FGF12: variants seen among roughly 807,000 people sequenced by gnomAD.
FGF12 encodes the protein fibroblast growth factor 12, also known as fibroblast growth factor 12B.
A neutral mutation model predicts 23.6 loss-of-function variants in FGF12; 14 were observed. That is an observed-to-expected ratio of 0.59 (90% confidence interval 0.39 to 0.93). FGF12 has a LOEUF of 0.93. FGF12 is among the 40% of genes least tolerant of loss of function. FGF12 has a pLI of 0.00. For synonymous variants in FGF12, 62 were observed against 77.3 expected, an observed-to-expected ratio of 0.80 and a Z score of 1.04; for missense variants, 175 against 217.8, an observed-to-expected ratio of 0.80 and a Z score of 1.24.
At chr3:192,640,371 A>ATTT (rs1230076644) in intron 2 of FGF12, among the ~76,000 whole-genome samples, 6 of 152,230 alleles carry the variant, frequency 3.9e-5, no homozygotes, top group African/African-American at 1.4e-4. Flanking sequence ...AATAAAAATA[A>ATTT]AAGAGTGAAA....
At chr3:192,605,151 G>A (rs1714283520) in intron 2 of FGF12, among the ~76,000 whole-genome samples, 1 of 152,080 alleles carries the variant, frequency 6.6e-6, no homozygotes, top group Non-Finnish European at 1.5e-5. Flanking sequence ...GGTCGAGATA[G>A]GCGGATCATC....
intron 2 of FGF12, among the ~76,000 whole-genome samples, chr3:192,495,062 T>C (rs1723908812): frequency 6.6e-6 from 1 of 152,106 alleles, no homozygotes; most frequent in Admixed American, 6.6e-5. Context: ...GATTTCCCCA[T>C]CTTGGCCAGG....
chr3:192,610,460 CAT>C (rs1474533216), intron 2 of FGF12, among the ~76,000 whole-genome samples: 1 of 152,062 alleles, frequency 6.6e-6, no homozygotes, highest in East Asian at 1.9e-4. Context: ...GGAAGATTCA[CAT>C]AAAATCTGGC....
chr3:192,495,097 G>T (rs565976186), intron 2 of FGF12, among the ~76,000 whole-genome samples: 10 of 152,188 alleles, frequency 6.6e-5, no homozygotes, highest in Non-Finnish European at 1.5e-4. Context: ...CTGACCTCGT[G>T]ATCCACCCAC....
intron 2 of FGF12, among the ~76,000 whole-genome samples, chr3:192,654,221 G>A (rs1203673929): frequency 6.6e-6 from 1 of 152,192 alleles, no homozygotes. Context: ...CCAAGTAGGA[G>A]GGCTGGGAAT....
chr3:192,598,616 G>A (rs778880488), intron 2 of FGF12, among the ~76,000 whole-genome samples: 3 of 152,116 alleles, frequency 2.0e-5, no homozygotes, highest in Admixed American at 6.6e-5. Flanking sequence ...TTTAAATGCA[G>A]GTTCTGCATC....
At chr3:192,351,767 A>G (rs922382837) in intron 3 of FGF12, among the ~76,000 whole-genome samples, 1 of 152,198 alleles carries the variant, frequency 6.6e-6, no homozygotes, top group African/African-American at 2.4e-5. Flanking sequence ...GCGCAGCTGT[A>G]AACAAATGCA....
chr3:192,596,222 G>T (rs1713848533), intron 2 of FGF12, among the ~76,000 whole-genome samples: 1 of 151,282 alleles, frequency 6.6e-6, no homozygotes, highest in Non-Finnish European at 1.5e-5. Flanking sequence ...ATTAACTGCT[G>T]ATGATATTGA....
At chr3:192,192,980 C>G (rs1157147915) in intron 4 of FGF12, among the ~76,000 whole-genome samples, 1 of 152,232 alleles carries the variant, frequency 6.6e-6, no homozygotes, top group East Asian at 1.9e-4. Context: ...AGCACCTATA[C>G]TGAGTGAAAT....
intron 4 of FGF12, among the ~76,000 whole-genome samples, chr3:192,302,744 A>C (rs537633031): frequency 4.6e-5 from 7 of 152,338 alleles, no homozygotes; most frequent in African/African-American, 1.4e-4. Context: ...AGTAAGTGTT[A>C]ATGGGAGAGG....
At chr3:192,326,562 C>A (rs1157261012) in intron 4 of FGF12, among the ~76,000 whole-genome samples, 1 of 152,126 alleles carries the variant, frequency 6.6e-6, no homozygotes, top group Non-Finnish European at 1.5e-5. Flanking sequence ...TCTGCTTGCA[C>A]CAAGGCAATA....
At chr3:192,422,938 A>G (rs917351398) in intron 2 of FGF12, among the ~76,000 whole-genome samples, 126 of 152,280 alleles carry the variant, frequency 8.3e-4, no homozygotes, top group African/African-American at 3.0e-3. Flanking sequence ...GTGGCTGGGC[A>G]GGGTGGGAAA....
At chr3:192,644,658 C>T (rs935861939) in intron 2 of FGF12, among the ~76,000 whole-genome samples, 1 of 152,152 alleles carries the variant, frequency 6.6e-6, no homozygotes, top group African/African-American at 2.4e-5. Flanking sequence ...TCTTTACACA[C>T]ATCTTCTCAG....
chr3:192,549,663 C>A (rs540855748), intron 2 of FGF12, among the ~76,000 whole-genome samples: 22 of 152,234 alleles, frequency 1.4e-4, no homozygotes, highest in African/African-American at 5.3e-4. Flanking sequence ...TAGAGTAAAA[C>A]AGATTGCTTT....
chr3:192,582,855 G>A (rs1035628076), intron 2 of FGF12, among the ~76,000 whole-genome samples: 2 of 152,068 alleles, frequency 1.3e-5, no homozygotes, highest in African/African-American at 4.8e-5. Context: ...GTACTCCCCA[G>A]GCCTACCCCA....
At chr3:192,359,799 C>A (rs904358186) in intron 3 of FGF12, among the ~76,000 whole-genome samples, 8 of 151,534 alleles carry the variant, frequency 5.3e-5, no homozygotes, top group Non-Finnish European at 8.8e-5. Flanking sequence ...ATTTCCCCCC[C>A]CAAAATTTTT....
intron 4 of FGF12, among the ~76,000 whole-genome samples, chr3:192,328,768 A>G (rs866038905): frequency 1.3e-5 from 2 of 152,222 alleles, no homozygotes; most frequent in South Asian, 4.1e-4. Context: ...TATGACAGCT[A>G]ACTAATTATG....
intron 3 of FGF12, among the ~76,000 whole-genome samples, chr3:192,348,422 G>T (rs2108718615): frequency 6.6e-6 from 1 of 152,054 alleles, no homozygotes; most frequent in Admixed American, 6.5e-5. Context: ...TAGGCAACCA[G>T]GTTATTTAAA....
At chr3:192,247,100 G>T (rs1026951207) in intron 4 of FGF12, among the ~76,000 whole-genome samples, 2 of 125,778 alleles carry the variant, frequency 1.6e-5, no homozygotes, top group Non-Finnish European at 3.4e-5. Context: ...AAGGAAGGAA[G>T]GAATATCCTA....
Sources: allele counts gnomAD v4.1 joint callset (sites outside exome capture counted in the v4.1 genomes callset), GRCh38; gene constraint gnomAD v4.1.1; transcripts MANE v1.5; gene names NCBI Gene and HGNC (gene_info 2026-07-23, HGNC 2026-07-21).